LRIG3: variants seen among roughly 807,000 people sequenced by gnomAD.
LRIG3 encodes the protein leucine-rich repeats and immunoglobulin-like domains protein 3.
LRIG3 carries 76 observed loss-of-function variants against 114.5 expected under a neutral mutation model. The ratio of observed to expected loss-of-function variants is 0.66; its 90% CI spans 0.55 to 0.80. The LOEUF (loss-of-function observed/expected upper bound fraction) is 0.80, where lower values mean the gene tolerates loss of function less well. Ranked by LOEUF, LRIG3 falls within the 30% of genes least tolerant of loss-of-function variation. The pLI, the probability that LRIG3 is intolerant of heterozygous loss-of-function variation, is 0.00. For missense variants in LRIG3, 1,239 were observed against 1,382.8 expected (o/e 0.90, Z 1.65); for synonymous variants, 512 against 519.8 (o/e 0.98, Z 0.20).
At chr12:58,874,374 A>G in intron 17 of LRIG3, 44 bp from the exon 18 acceptor site, 2 of 1,608,962 alleles carry the variant, frequency 1.2e-6, no homozygotes, top group South Asian at 2.2e-5. Flanking sequence ...TACAGTTAGC[A>G]CATCTAGAAG....
intron 16 of LRIG3, among the ~76,000 whole-genome samples, chr12:58,875,213 G>A (rs1380115611): frequency 6.6e-6 from 1 of 152,194 alleles, no homozygotes; most frequent in Non-Finnish European, 1.5e-5. Flanking sequence ...CATCTAGGCA[G>A]CCTGGCATTA....
chr12:58,915,000 C>T (rs1872424278), intron 1 of LRIG3, among the ~76,000 whole-genome samples: 1 of 152,168 alleles, frequency 6.6e-6, no homozygotes, highest in Non-Finnish European at 1.5e-5. Flanking sequence ...AGATTTCAAT[C>T]ATTAAAATAA....
At chr12:58,890,960 C>A (rs1871437563) in intron 3 of LRIG3, among the ~76,000 whole-genome samples, 164 bp from the exon 4 acceptor site, 1 of 152,150 alleles carries the variant, frequency 6.6e-6, no homozygotes, top group South Asian at 2.1e-4. Flanking sequence ...TTAAGTTATT[C>A]ATTAAATTAT....
chr12:58,890,116 G>A lies in LRIG3; in HGVS notation c.539C>T (p.Thr180Ile), dbSNP rs539052796. ...GTCAAAATACCCAGGTTCCATTGAT[G>A]TGACTCGGTTGCTGTTGAGATACCT... ...KYLYLNSNRVTSMEPGYFDNL... is the reference protein window; with the variant it reads ...KYLYLNSNRVISMEPGYFDNL... The change falls in exon 5 of 19, where the codon ACA (threonine) becomes ATA (isoleucine). Residue 180 changes from threonine to isoleucine, a missense_variant. Coordinates refer to ENST00000320743, the MANE Select transcript of LRIG3 (RefSeq NM_153377.5). The A allele has an allele frequency of 1.2e-6, 2 of 1,613,680 alleles. No individual in the cohort carries two copies. Among genetic ancestry groups the A allele is most frequent in the African/African-American group, 2.7e-5 (2 of 75,012 alleles).
At chr12:58,917,465 TG>T (rs1872519303) in intron 1 of LRIG3, among the ~76,000 whole-genome samples, 3 of 152,308 alleles carry the variant, frequency 2.0e-5, no homozygotes, top group Admixed American at 1.3e-4. Context: ...GTTACTGGGT[TG>T]TTTTTTTTTA....
At chr12:58,874,597 A>G (rs1391274505) in intron 16 of LRIG3, 24 bp from the exon 17 acceptor site, 3 of 1,612,622 alleles carry the variant, frequency 1.9e-6, no homozygotes, top group East Asian at 2.2e-5. Context: ...ATCTTAGTCA[A>G]TGATCCAATT....
In LRIG3 at chr12:58,882,645, C is replaced by T. The variant is rs115678198; in HGVS notation, c.1480+224G>A. Among the ~76,000 whole-genome samples, 612 of 152,172 alleles carry T rather than the reference C, an allele frequency of 4.0e-3. 1 individual carries two copies. Among genetic ancestry groups the T allele is most frequent in the African/African-American group, 0.013 (541 of 41,516 alleles). On this transcript the variant is annotated intron_variant, in intron 12 of 18. Coordinates refer to ENST00000320743, the MANE Select transcript of LRIG3 (RefSeq NM_153377.5). ...AGATCCAATTTCATTCTCATTCCAC[C>T]GCACCATCCTGATGCCAAAACAAAG...
intron 5 of LRIG3, among the ~76,000 whole-genome samples, chr12:58,889,413 T>C (rs754296482): frequency 6.6e-6 from 1 of 152,216 alleles, no homozygotes; most frequent in African/African-American, 2.4e-5. Flanking sequence ...GCAGTAGTTC[T>C]CAGCCTTGGT....
At position 58,920,247 on chromosome 12, in the gene LRIG3, G is replaced by A; in HGVS notation, c.-12C>T. 1 of 1,351,954 alleles carries A rather than the reference G, an allele frequency of 7.4e-7. No individual in the cohort carries two copies. The highest frequency in any genetic ancestry group is 9.4e-7 in the Non-Finnish European group (1 of 1,059,394). 83.7% of individuals were successfully genotyped at this position (1,351,954 alleles called of 1,614,324 possible). ...CTCGGCGCGCTCATCGCGGTCCAGC[G>A]GCCTAGGTCTCTACCCGAAGCTCCC... On this transcript the variant is annotated 5_prime_UTR_variant, in exon 1 of 19. Transcript: ENST00000320743.
intron 1 of LRIG3, among the ~76,000 whole-genome samples, chr12:58,916,864 G>C (rs1872499083): frequency 6.6e-6 from 1 of 152,178 alleles, no homozygotes; most frequent in Admixed American, 6.5e-5. Flanking sequence ...GGTTCAAGCT[G>C]TCATTTTCTT....
At chr12:58,875,003 G>A (rs573490889) in intron 16 of LRIG3, among the ~76,000 whole-genome samples, 66 of 152,264 alleles carry the variant, frequency 4.3e-4, no homozygotes, top group African/African-American at 1.3e-3. Flanking sequence ...AGAAATATAC[G>A]CCATTTACTG....
chr12:58,887,943 A>G lies in LRIG3; in HGVS notation c.948-11T>C. 3 of 1,603,980 alleles carry G rather than the reference A, an allele frequency of 1.9e-6. No individual in the cohort carries two copies. The highest frequency in any genetic ancestry group is 2.6e-6 in the Non-Finnish European group (3 of 1,175,982). On this transcript the variant is annotated splice_polypyrimidine_tract_variant and intron_variant, in intron 7 of 18. Transcript: ENST00000320743. ...TTGAAAGTTAGGTCCCTGTAAAGAA[A>G]AAAGAGAAAAGCAATAGCTTTTATT...
At chr12:58,904,196 T>C (rs901220655) in intron 3 of LRIG3, among the ~76,000 whole-genome samples, 8 of 152,182 alleles carry the variant, frequency 5.3e-5, no homozygotes, top group Non-Finnish European at 1.0e-4. Context: ...GTTTCATTTC[T>C]TTGGTCTCCA....
intron 1 of LRIG3, 126 bp downstream of exon 1, chr12:58,919,874 G>A: frequency 1.0e-6 from 1 of 983,460 alleles, no homozygotes; most frequent in South Asian, 1.6e-5. Flanking sequence ...CGCCGATCGC[G>A]GCCTGGGCCA....
intron 3 of LRIG3, among the ~76,000 whole-genome samples, chr12:58,906,889 C>G (rs555556662): frequency 2.0e-5 from 3 of 151,314 alleles, no homozygotes; most frequent in East Asian, 3.9e-4. Flanking sequence ...ACCTTTAGTA[C>G]TATCAAACAC....
At chr12:58,919,373 C>G in intron 1 of LRIG3, 1 of 1,550,970 alleles carries the variant, frequency 6.4e-7, no homozygotes, top group South Asian at 1.2e-5. Context: ...GAGTTCCGCC[C>G]TTTCCATAGC....
intron 16 of LRIG3, among the ~76,000 whole-genome samples, chr12:58,876,061 AAAAT>A (rs548549172): frequency 6.2e-4 from 95 of 152,334 alleles, no homozygotes; most frequent in Non-Finnish European, 9.6e-4. Flanking sequence ...CAAATAAATA[AAAAT>A]AAATAAATAA....
At chr12:58,884,860 C>A (rs1404521458) in intron 10 of LRIG3, among the ~76,000 whole-genome samples, 1 of 152,172 alleles carries the variant, frequency 6.6e-6, no homozygotes, top group Non-Finnish European at 1.5e-5. Context: ...TACAAGCATT[C>A]CTTAACAGTC....
At chr12:58,882,573 G>A (rs1187786097) in intron 12 of LRIG3, among the ~76,000 whole-genome samples, 1 of 152,108 alleles carries the variant, frequency 6.6e-6, no homozygotes, top group South Asian at 2.1e-4. Context: ...AATATTTAGG[G>A]AATTTAAGTT....
Sources: gnomAD v4.1 joint callset for allele counts (sites outside exome capture counted in the v4.1 genomes callset) on GRCh38, gnomAD v4.1.1 for gene constraint, MANE v1.5 for transcripts, NCBI Gene and HGNC (gene_info 2026-07-23, HGNC 2026-07-21) for gene names.